PRMT3: variants seen among roughly 807,000 people sequenced by gnomAD.
The protein encoded by PRMT3 is protein arginine N-methyltransferase 3.
A neutral mutation model predicts 71.9 loss-of-function variants in PRMT3; 62 were observed. The ratio of observed to expected loss-of-function variants is 0.86; its 90% CI spans 0.70 to 1.07. The LOEUF (loss-of-function observed/expected upper bound fraction) is 1.07, where lower values mean the gene tolerates loss of function less well. Among genes scored for constraint, PRMT3 ranks in the 50% least tolerant of loss-of-function variants. The probability of loss-of-function intolerance (pLI) is 0.00; values close to 1 mark genes in which losing one functional copy is unlikely to be tolerated. For missense variants in PRMT3, 663 were observed against 643.0 expected (o/e 1.03, Z -0.34); for synonymous variants, 213 against 220.4 (o/e 0.97, Z 0.30).
At chr11:20,462,201 G>T in intron 12 of PRMT3, 34 bp downstream of exon 12, 1 of 1,492,434 alleles carries the variant, frequency 6.7e-7, no homozygotes, top group Non-Finnish European at 9.1e-7. Context: ...TTTTATAATG[G>T]TATTGCTATT....
intron 13 of PRMT3, among the ~76,000 whole-genome samples, chr11:20,464,841 A>G (rs1328299481): frequency 6.6e-6 from 1 of 152,162 alleles, no homozygotes; most frequent in Non-Finnish European, 1.5e-5. Context: ...TTATCTTCAA[A>G]GACCAAAGTT....
At chr11:20,438,526 T>G (rs1445677927) in intron 10 of PRMT3, among the ~76,000 whole-genome samples, 2 of 152,088 alleles carry the variant, frequency 1.3e-5, no homozygotes, top group African/African-American at 4.8e-5. Flanking sequence ...AGCAGGGTAC[T>G]AGAGTCATTG....
Position 20,490,967 on chromosome 11 carries a change from G to A in PRMT3, c.1348-2952G>A, listed in dbSNP as rs964819199. Among the ~76,000 whole-genome samples, 3 of 152,044 alleles carry A rather than the reference G, an allele frequency of 2.0e-5. No individual in the cohort carries two copies. The East Asian group carries it at 5.8e-4, about 29-fold the overall frequency. ...TTTTAAAACTTTTTTTTCTCCATCA[G>A]TGTCTTTTTCTTTTCCATCTGGACC... is the stretch of plus-strand genomic sequence containing the variant. On this transcript the variant is annotated intron_variant, in intron 13 of 15. Transcript: ENST00000331079.
intron 11 of PRMT3, 100 bp downstream of exon 11, chr11:20,452,308 C>T (rs949163223): frequency 3.5e-5 from 31 of 886,836 alleles, no homozygotes; most frequent in African/African-American, 6.7e-5. Flanking sequence ...AGGAAGTTCC[C>T]GATAGGGTTG....
At position 20,495,353 on chromosome 11, in the gene PRMT3, C is replaced by T. The variant is rs1405711634; in HGVS notation, c.1486+1099C>T. On this transcript the variant is annotated intron_variant, in intron 15 of 15. Transcript: ENST00000331079. ...AACCAGCCCAAGCAACATAGCAAGA[C>T]CCTATCTCTACAAAACAATAAAAAT... Among the ~76,000 whole-genome samples the T allele has an allele frequency of 1.3e-4, 20 of 151,822 alleles. 1 individual carries two copies. The highest frequency in any genetic ancestry group is 1.3e-3 in the Admixed American group (20 of 15,244).
Position 20,446,141 on chromosome 11 carries a change from A to ATTCCAAAGTACTGTACTT in PRMT3, c.994-5975_994-5958dup, listed in dbSNP as rs1205529451. ...CAGGGTGTGCTGCTCTTACATGTTA[A>ATTCCAAAGTACTGTACTT]TTCCAAAGTACTGTACTTTTCCAAA... On this transcript the variant is annotated intron_variant, in intron 10 of 15. Coordinates refer to ENST00000331079, the MANE Select transcript of PRMT3 (RefSeq NM_005788.4). Among the ~76,000 whole-genome samples, 4 of 152,168 alleles carry ATTCCAAAGTACTGTACTT rather than the reference A, an allele frequency of 2.6e-5. No individual in the cohort carries two copies. In the East Asian group the frequency reaches 7.7e-4, roughly 29 times the overall value.
At chr11:20,489,787 C>G (rs1291297468) in intron 13 of PRMT3, among the ~76,000 whole-genome samples, 1 of 144,278 alleles carries the variant, frequency 6.9e-6, no homozygotes, top group Non-Finnish European at 1.5e-5. Flanking sequence ...TTTTCTTAAT[C>G]TCTTTTAATT....
chr11:20,454,307 C>T (rs184967998), intron 11 of PRMT3, among the ~76,000 whole-genome samples: 5 of 152,130 alleles, frequency 3.3e-5, no homozygotes, highest in Non-Finnish European at 5.9e-5. Context: ...ACCTGCCTGA[C>T]TTGATCTTAT....
chr11:20,397,658 G>T lies in PRMT3; in HGVS notation c.642G>T (p.Glu214Asp). 6.2e-7 allele frequency: 1 copy of T among 1,614,178 alleles called. No individual in the cohort carries two copies. The highest frequency in any genetic ancestry group is 8.5e-7 in the Non-Finnish European group (1 of 1,180,026). ...CTAGTGTCATTGCGGACCTCCAGGA[G>T]GATGAGGATGGTGTTTATTTCAGCT... is the stretch of plus-strand genomic sequence containing the variant. Reference protein sequence around the residue: ...SSTSVIADLQEDEDGVYFSSY... With the variant: ...SSTSVIADLQDDEDGVYFSSY... Residue 214 changes from glutamate (E) to aspartate (D), a missense_variant, in exon 7 of 16, where the codon GAG (glutamate) becomes GAT (aspartate). Physicochemically the swap from Glu to Asp is conservative, Grantham distance 45. Coordinates refer to ENST00000331079, the MANE Select transcript of PRMT3 (RefSeq NM_005788.4).
chr11:20,412,624 T>C (rs939141993), intron 9 of PRMT3, among the ~76,000 whole-genome samples: 2 of 152,166 alleles, frequency 1.3e-5, no homozygotes, highest in African/African-American at 4.8e-5. Context: ...ATACATTATA[T>C]CAGTAAATGT....
intron 7 of PRMT3, among the ~76,000 whole-genome samples, chr11:20,400,797 T>C (rs968451509): frequency 6.6e-6 from 1 of 152,114 alleles, no homozygotes; most frequent in African/African-American, 2.4e-5. Flanking sequence ...TCCTAAGTAT[T>C]GGAGCAGTAA....
intron 9 of PRMT3, among the ~76,000 whole-genome samples, chr11:20,420,446 T>A (rs536248634): frequency 6.6e-6 from 1 of 152,252 alleles, no homozygotes; most frequent in South Asian, 2.1e-4. Flanking sequence ...CTGTGAGGAA[T>A]TGGGCCACAC....
Position 20,397,615 on chromosome 11 carries a change from G to A in PRMT3, c.599G>A (p.Arg200Lys). The A allele has an allele frequency of 3.1e-6, 5 of 1,614,092 alleles. No individual in the cohort carries two copies. Among genetic ancestry groups the A allele is most frequent in the Non-Finnish European group, 4.2e-6 (5 of 1,180,008 alleles). Reference sequence around the variant, plus strand: ...GATTTTGTGATGCACACAGATGTCAGAACCTGCTCGTCATCTACTAGTGTC... The same window carrying A: ...GATTTTGTGATGCACACAGATGTCAAAACCTGCTCGTCATCTACTAGTGTC... ...AQDFVMHTDVRTCSSSTSVIA... is the reference protein window; with the variant it reads ...AQDFVMHTDVKTCSSSTSVIA... The change falls in exon 7 of 16, where the codon AGA (arginine) becomes AAA (lysine). Residue 200 changes from arginine (R) to lysine (K), a missense_variant. By Grantham distance (26) the Arg-to-Lys change is conservative (BLOSUM62 2). Transcript: ENST00000331079.
chr11:20,398,198 C>T (rs796105785), intron 7 of PRMT3, among the ~76,000 whole-genome samples: 1 of 151,842 alleles, frequency 6.6e-6, no homozygotes, highest in Non-Finnish European at 1.5e-5. Context: ...TACCTTTTAA[C>T]GTGTAAAGGA....
chr11:20,477,450 G>A (rs1446999036), intron 13 of PRMT3, among the ~76,000 whole-genome samples: 1 of 151,930 alleles, frequency 6.6e-6, no homozygotes, highest in Non-Finnish European at 1.5e-5. Flanking sequence ...CTAGCTACTC[G>A]GGATGCTGAA....
At chr11:20,500,209 G>C (rs1278845463) in intron 15 of PRMT3, among the ~76,000 whole-genome samples, 1 of 152,120 alleles carries the variant, frequency 6.6e-6, no homozygotes, top group Non-Finnish European at 1.5e-5. Flanking sequence ...CAAAATATAT[G>C]CAAAACTTGT....
chr11:20,461,849 A>G (rs2133401193), intron 11 of PRMT3, 131 bp from the exon 12 acceptor site: 4 of 722,822 alleles, frequency 5.5e-6, no homozygotes, highest in East Asian at 6.0e-5. Context: ...TTCCTGATCT[A>G]TACCTTCATT....
intron 13 of PRMT3, among the ~76,000 whole-genome samples, chr11:20,481,027 A>G (rs1414309907): frequency 2.6e-5 from 4 of 152,184 alleles, no homozygotes; most frequent in African/African-American, 7.2e-5. Flanking sequence ...ACATAAGAGT[A>G]GGAATCAAAG....
intron 11 of PRMT3, among the ~76,000 whole-genome samples, chr11:20,459,230 C>A (rs7952415): frequency 0.03 from 4,558 of 152,200 alleles, 229 homozygotes; most frequent in African/African-American, 0.1. Flanking sequence ...TTTAAAACTT[C>A]AGCAAGATTT....
Sources: allele counts gnomAD v4.1 joint callset (sites outside exome capture counted in the v4.1 genomes callset), GRCh38; gene constraint gnomAD v4.1.1; transcripts MANE v1.5; gene names NCBI Gene and HGNC (gene_info 2026-07-23, HGNC 2026-07-21).